CDH12: variants seen among roughly 807,000 people sequenced by gnomAD.
The protein encoded by CDH12 is cadherin-12.
Under a neutral mutation model 74.1 loss-of-function variants are expected in CDH12, and 41 were observed. That is an observed-to-expected ratio of 0.55 (90% confidence interval 0.43 to 0.72). The LOEUF (loss-of-function observed/expected upper bound fraction) is 0.72, where lower values mean the gene tolerates loss of function less well. Among genes scored for constraint, CDH12 ranks in the 30% least tolerant of loss-of-function variants. CDH12 has a pLI of 0.00. For synonymous variants in CDH12, 399 were observed against 355.0 expected, an observed-to-expected ratio of 1.12 and a Z score of -1.39; for missense variants, 945 against 977.2, an observed-to-expected ratio of 0.97 and a Z score of 0.44.
chr5:22,116,269 G>C (rs1417617815), intron 4 of CDH12, among the ~76,000 whole-genome samples: 2 of 152,132 alleles, frequency 1.3e-5, no homozygotes, highest in African/African-American at 4.8e-5. Flanking sequence ...TTGGCTTGCA[G>C]ATGAAAGGGG....
Position 21,755,554 on chromosome 5 carries a change from C to T in CDH12, c.1885+37G>A, listed in dbSNP as rs371027824. ...AGAGGGGAAAAAAAGGAAGAGAGAG[C>T]GAGAAAAAATTAACAATGATTAATA... On this transcript the variant is annotated intron_variant, in intron 14 of 14. Coordinates refer to ENST00000382254, the MANE Select transcript of CDH12 (RefSeq NM_004061.5). The T allele has an allele frequency of 1.5e-5, 23 of 1,583,876 alleles. No homozygotes were observed. The Middle Eastern group carries it at 5.1e-4, about 35-fold the overall frequency.
intron 3 of CDH12, among the ~76,000 whole-genome samples, chr5:22,301,489 A>G (rs1261787418): frequency 1.3e-5 from 2 of 152,206 alleles, no homozygotes; most frequent in Admixed American, 6.5e-5. Flanking sequence ...AAAAACTTGC[A>G]TTCTACAAAA....
At chr5:22,185,571 C>T (rs1749896785) in intron 4 of CDH12, among the ~76,000 whole-genome samples, 1 of 152,136 alleles carries the variant, frequency 6.6e-6, no homozygotes, top group South Asian at 2.1e-4. Context: ...CACAGTGTGT[C>T]CCTTTTCATG....
At chr5:22,083,552 G>A (rs1742878696) in intron 4 of CDH12, among the ~76,000 whole-genome samples, 2 of 152,252 alleles carry the variant, frequency 1.3e-5, no homozygotes, top group Non-Finnish European at 1.5e-5. Flanking sequence ...AATGGTAATA[G>A]CTAACCTTTA....
chr5:22,119,284 C>CTT (rs1745361054), intron 4 of CDH12, among the ~76,000 whole-genome samples: 1 of 118,712 alleles, frequency 8.4e-6, no homozygotes. Flanking sequence ...TCTTCTACTT[C>CTT]GTTTTTTTTT....
intron 2 of CDH12, among the ~76,000 whole-genome samples, chr5:22,476,319 T>A (rs983195494): frequency 1.3e-5 from 2 of 152,048 alleles, no homozygotes; most frequent in African/African-American, 4.8e-5. Flanking sequence ...AGTTAAGGAA[T>A]TAAACCAAAT....
At position 21,948,345 on chromosome 5, in the gene CDH12, A is replaced by G. The variant is rs372715637; in HGVS notation, c.526+26746T>C. 8.5e-5 allele frequency among the ~76,000 whole-genome samples: 13 copies of G among 152,332 alleles called. No homozygotes were observed. In the East Asian group the frequency reaches 1.2e-3, roughly 14 times the overall value. The stretch of plus-strand genomic sequence containing the variant: ...AAGGCCATGGGAGCCCACCCCTTGC[A>G]TTAACATGCCCTGGATGTGAAACAT... On this transcript the variant is annotated intron_variant, in intron 6 of 14. Transcript: ENST00000382254.
intron 5 of CDH12, among the ~76,000 whole-genome samples, chr5:21,984,416 C>T (rs912665595): frequency 1.3e-5 from 2 of 152,090 alleles, no homozygotes; most frequent in Non-Finnish European, 2.9e-5. Flanking sequence ...CTGTGTTTTT[C>T]CTGGCAAATT....
intron 4 of CDH12, among the ~76,000 whole-genome samples, chr5:22,083,439 A>C (rs1742869654): frequency 6.6e-6 from 1 of 152,152 alleles, no homozygotes; most frequent in Non-Finnish European, 1.5e-5. Context: ...AGGAGTAATG[A>C]TGCCTATTTT....
chr5:22,626,362 G>T (rs1380490714), intron 1 of CDH12, among the ~76,000 whole-genome samples: 1 of 152,144 alleles, frequency 6.6e-6, no homozygotes, highest in Non-Finnish European at 1.5e-5. Context: ...GGGGCTAGTG[G>T]ACTGGAATCA....
intron 3 of CDH12, among the ~76,000 whole-genome samples, chr5:22,292,406 A>G (rs899518279): frequency 6.6e-6 from 1 of 151,520 alleles, no homozygotes; most frequent in African/African-American, 2.4e-5. Flanking sequence ...GGATTACATA[A>G]AACTTAAAAG....
chr5:22,539,500 A>G (rs923016885), intron 1 of CDH12, among the ~76,000 whole-genome samples: 3 of 152,230 alleles, frequency 2.0e-5, no homozygotes, highest in Admixed American at 1.3e-4. Flanking sequence ...GAGAAAGGCA[A>G]TGAAAAATCT....
intron 6 of CDH12, chr5:21,883,079 C>G: frequency 1.2e-6 from 2 of 1,608,418 alleles, no homozygotes; most frequent in Admixed American, 3.3e-5. Context: ...AACCTGTGAC[C>G]ACCCCTGAAG....
At chr5:21,924,730 T>C (rs1056683081) in intron 6 of CDH12, among the ~76,000 whole-genome samples, 5 of 152,222 alleles carry the variant, frequency 3.3e-5, no homozygotes, top group African/African-American at 1.2e-4. Context: ...TGTAAGAATC[T>C]ACTGACTTTC....
At chr5:22,849,470 A>G (rs1454059191) in intron 1 of CDH12, among the ~76,000 whole-genome samples, 1 of 152,150 alleles carries the variant, frequency 6.6e-6, no homozygotes, top group Non-Finnish European at 1.5e-5. Context: ...TGTATTTAGC[A>G]TCGTGCTTTG....
At chr5:22,036,620 A>C (rs1739206869) in intron 5 of CDH12, among the ~76,000 whole-genome samples, 1 of 152,144 alleles carries the variant, frequency 6.6e-6, no homozygotes, top group Admixed American at 6.5e-5. Flanking sequence ...TAATTACTAC[A>C]TGCAGATTTT....
Position 22,040,815 on chromosome 5 carries a change from T to A in CDH12, c.231+37631A>T, listed in dbSNP as rs78200452. Among the ~76,000 whole-genome samples, 335 of 152,210 alleles carry A rather than the reference T, an allele frequency of 2.2e-3. 3 individuals carry two copies. The highest frequency in any genetic ancestry group is 7.8e-3 in the African/African-American group (326 of 41,552). On this transcript the variant is annotated intron_variant, in intron 5 of 14. Coordinates refer to ENST00000382254, the MANE Select transcript of CDH12 (RefSeq NM_004061.5). ...CAAGAAATGCTTAAGGGAGTTCTTA[T>A]AGTAGAAACAAAAAATGCTAATTAA...
At chr5:22,263,623 A>G (rs910889657) in intron 3 of CDH12, among the ~76,000 whole-genome samples, 2 of 152,108 alleles carry the variant, frequency 1.3e-5, no homozygotes, top group Non-Finnish European at 2.9e-5. Flanking sequence ...ATGCAATGAT[A>G]CAATTTTTAA....
At chr5:22,396,271 G>A (rs1742454026) in intron 3 of CDH12, among the ~76,000 whole-genome samples, 1 of 152,040 alleles carries the variant, frequency 6.6e-6, no homozygotes, top group Non-Finnish European at 1.5e-5. Context: ...GCCCTGGAGA[G>A]GTCAGCATCA....
Sources: allele counts gnomAD v4.1 joint callset (sites outside exome capture counted in the v4.1 genomes callset), GRCh38; gene constraint gnomAD v4.1.1; transcripts MANE v1.5; gene names NCBI Gene and HGNC (gene_info 2026-07-23, HGNC 2026-07-21).